The following DLG2 variants were observed in gnomAD, a reference collection of about 807,000 sequenced individuals.
DLG2 encodes disks large homolog 2.
A neutral mutation model predicts 132.5 loss-of-function variants in DLG2; 45 were observed. The ratio of observed to expected loss-of-function variants is 0.34; its 90% CI spans 0.27 to 0.44. The LOEUF (loss-of-function observed/expected upper bound fraction) is 0.44, where lower values mean the gene tolerates loss of function less well. Among genes scored for constraint, DLG2 ranks in the 20% least tolerant of loss-of-function variants. DLG2 has a pLI of 1.00. For missense variants in DLG2, 1,045 were observed against 1,196.9 expected (o/e 0.87, Z 1.87); for synonymous variants, 424 against 419.6 (o/e 1.01, Z -0.13).
At position 83,469,294 on chromosome 11, in the gene DLG2, T is replaced by C; in HGVS notation, c.2526A>G (p.Lys842=). 6.2e-7 allele frequency: 1 copy of C among 1,613,880 alleles called. No individual in the cohort carries two copies. Among genetic ancestry groups the C allele is most frequent in the Non-Finnish European group, 8.5e-7 (1 of 1,179,840 alleles). ...CTATAAACTTGTGCTCTTGGATATC[T>C]TTCTCCATTTGTTCTCTGGAAATGA... ...HFVISREQME[K]DIQEHKFIEA... is the part of the protein sequence containing the mutation. The change falls in exon 25 of 28, where the codon AAA becomes AAG. Residue 842 remains lysine (K), a synonymous_variant. Coordinates refer to ENST00000376104, the MANE Select transcript of DLG2 (RefSeq NM_001142699.3).
intron 6 of DLG2, among the ~76,000 whole-genome samples, chr11:84,985,092 A>G (rs1402721731): frequency 6.6e-6 from 1 of 152,218 alleles, no homozygotes; most frequent in East Asian, 1.9e-4. Context: ...GTTAACGAAG[A>G]AACAATGGAC....
chr11:84,786,973 T>G (rs539113094), intron 6 of DLG2, among the ~76,000 whole-genome samples: 5 of 152,186 alleles, frequency 3.3e-5, no homozygotes, highest in African/African-American at 1.2e-4. Context: ...GAAGAAACAT[T>G]TGTAAAAATT....
At chr11:85,420,173 T>A (rs1233147279) in intron 3 of DLG2, among the ~76,000 whole-genome samples, 2 of 152,222 alleles carry the variant, frequency 1.3e-5, no homozygotes, top group Non-Finnish European at 2.9e-5. Flanking sequence ...TTAGTTTTCC[T>A]TCTAACAGTC....
intron 11 of DLG2, among the ~76,000 whole-genome samples, chr11:84,018,049 T>C (rs968037579): frequency 4.6e-5 from 7 of 152,010 alleles, no homozygotes; most frequent in Non-Finnish European, 4.4e-5. Context: ...TTTGTATTTA[T>C]CCTGTTTGAA....
At chr11:84,286,887 G>A (rs967527396) in intron 7 of DLG2, among the ~76,000 whole-genome samples, 1 of 152,172 alleles carries the variant, frequency 6.6e-6, no homozygotes, top group Non-Finnish European at 1.5e-5. Flanking sequence ...CTCTGCAGAA[G>A]CAGAGAGGAT....
chr11:84,336,508 C>G (rs1370508725), intron 7 of DLG2, among the ~76,000 whole-genome samples: 1 of 151,938 alleles, frequency 6.6e-6, no homozygotes, highest in East Asian at 1.9e-4. Context: ...CACAGTTTGG[C>G]CTCACTTAGA....
At chr11:85,031,332 T>A (rs1248105296) in intron 6 of DLG2, among the ~76,000 whole-genome samples, 1 of 152,136 alleles carries the variant, frequency 6.6e-6, no homozygotes, top group East Asian at 1.9e-4. Context: ...GGTATATTTA[T>A]TTCTAAGCAG....
At chr11:83,492,557 C>T (rs1332799030) in intron 21 of DLG2, among the ~76,000 whole-genome samples, 7 of 151,980 alleles carry the variant, frequency 4.6e-5, no homozygotes, top group Non-Finnish European at 8.8e-5. Flanking sequence ...AAACCAAACA[C>T]GTGGTCTTCT....
chr11:85,116,624 A>T (rs1275447211), intron 5 of DLG2, among the ~76,000 whole-genome samples: 1 of 151,938 alleles, frequency 6.6e-6, no homozygotes. Context: ...TGAGATGTTT[A>T]AAAAAAGAGA....
intron 18 of DLG2, among the ~76,000 whole-genome samples, chr11:83,728,681 C>G (rs1177565935): frequency 2.0e-5 from 3 of 152,234 alleles, no homozygotes; most frequent in African/African-American, 4.8e-5. Context: ...CCGGACACAT[C>G]TAAGCAGTTC....
chr11:83,682,875 A>G (rs2079072718), intron 18 of DLG2, among the ~76,000 whole-genome samples: 1 of 152,130 alleles, frequency 6.6e-6, no homozygotes, highest in Non-Finnish European at 1.5e-5. Flanking sequence ...CCCCTTACTG[A>G]GCAGATAAGG....
intron 18 of DLG2, among the ~76,000 whole-genome samples, chr11:83,677,575 T>C (rs1440341147): frequency 6.6e-6 from 1 of 152,136 alleles, no homozygotes; most frequent in East Asian, 1.9e-4. Context: ...AACAATGCAT[T>C]CTGTCTTCCC....
intron 3 of DLG2, among the ~76,000 whole-genome samples, chr11:85,456,204 T>C (rs987445432): frequency 2.6e-5 from 4 of 152,200 alleles, no homozygotes; most frequent in Non-Finnish European, 5.9e-5. Flanking sequence ...GGAGGTTGTA[T>C]GTGTCCAGGA....
intron 17 of DLG2, among the ~76,000 whole-genome samples, chr11:83,810,354 T>C (rs2046944551): frequency 6.6e-6 from 1 of 152,110 alleles, no homozygotes; most frequent in Non-Finnish European, 1.5e-5. Context: ...TGTTTATGTG[T>C]GTGTGTGTAT....
At chr11:85,125,163 T>C (rs943867845) in intron 5 of DLG2, among the ~76,000 whole-genome samples, 3 of 152,208 alleles carry the variant, frequency 2.0e-5, no homozygotes, top group Admixed American at 1.3e-4. Flanking sequence ...TTATCTAAGT[T>C]GTAAAATTTC....
At chr11:83,628,425 T>C (rs1344498927) in intron 19 of DLG2, among the ~76,000 whole-genome samples, 1 of 152,186 alleles carries the variant, frequency 6.6e-6, no homozygotes, top group Non-Finnish European at 1.5e-5. Context: ...TAAATGCTGC[T>C]CTACAATGTC....
intron 4 of DLG2, among the ~76,000 whole-genome samples, chr11:85,191,497 G>A (rs1320721732): frequency 1.3e-5 from 2 of 152,098 alleles, no homozygotes; most frequent in Non-Finnish European, 2.9e-5. Flanking sequence ...GTCCTGGCTA[G>A]CTTGAAAAAA....
chr11:84,063,135 T>C (rs915522290), intron 10 of DLG2, among the ~76,000 whole-genome samples: 4 of 152,320 alleles, frequency 2.6e-5, no homozygotes, highest in Admixed American at 2.6e-4. Context: ...TGTTTACATA[T>C]ACAGACTTAC....
chr11:83,857,489 C>A (rs766867317), intron 16 of DLG2, among the ~76,000 whole-genome samples: 5 of 152,040 alleles, frequency 3.3e-5, no homozygotes, highest in African/African-American at 4.8e-5. Flanking sequence ...TCTCTGAGAA[C>A]CCTGGTAAGA....
Sources: gnomAD v4.1 joint callset for allele counts (sites outside exome capture counted in the v4.1 genomes callset) on GRCh38, gnomAD v4.1.1 for gene constraint, MANE v1.5 for transcripts, NCBI Gene and HGNC (gene_info 2026-07-23, HGNC 2026-07-21) for gene names.